The following FBXL16 variants were observed in gnomAD, a reference collection of about 807,000 sequenced individuals.
The protein encoded by FBXL16 is F-box/LRR-repeat protein 16.
In FBXL16, 7 loss-of-function variants were observed where a neutral mutation model predicts 36.7. The ratio of observed to expected loss-of-function variants is 0.19; its 90% confidence interval spans 0.11 to 0.36. The LOEUF (loss-of-function observed/expected upper bound fraction) is 0.36. FBXL16 is among the 10% of genes least tolerant of loss of function. The pLI is 1.00. For missense variants in FBXL16, 463 were observed against 659.4 expected, an observed-to-expected ratio of 0.70 and a Z score of 3.26; for synonymous variants, 355 against 308.7, an observed-to-expected ratio of 1.15 and a Z score of -1.57.
chr16:698,941 G>GAAAGAAAAAGAAAAAAAGA (rs2040036454), intron 1 of FBXL16, among the ~76,000 whole-genome samples: 1 of 135,028 alleles, frequency 7.4e-6, no homozygotes, highest in East Asian at 3.1e-4. Flanking sequence ...AAGAAAGAAA[G>GAAAGAAAAAGAAAAAAAGA]AAAGAAAAAG....
intron 1 of FBXL16, among the ~76,000 whole-genome samples, chr16:700,985 G>C (rs2040052252): frequency 6.6e-6 from 1 of 152,220 alleles, no homozygotes; most frequent in Admixed American, 6.5e-5. Flanking sequence ...GGCGGCGCCA[G>C]GGGAGGAATA....
At chr16:703,457 C>G (rs1047554190) in intron 1 of FBXL16, among the ~76,000 whole-genome samples, 3 of 152,210 alleles carry the variant, frequency 2.0e-5, no homozygotes, top group African/African-American at 7.2e-5. Flanking sequence ...CTGCAGAGGG[C>G]CTTAGAGCTG....
rs1468520344 is a variant in FBXL16, at chr16:693,599, C to A, written c.*676G>T. ...GGTTTTGGGGCGGACAGGGGACTGCCCCACACAGCGGCAAGGAGGAGGAGA... is the reference window on the plus strand; with the variant it reads ...GGTTTTGGGGCGGACAGGGGACTGCACCACACAGCGGCAAGGAGGAGGAGA... On this transcript the variant is annotated 3_prime_UTR_variant, in exon 6 of 6. Coordinates refer to ENST00000397621, the MANE Select transcript of FBXL16 (RefSeq NM_153350.4). 1 of 152,790 alleles carries A rather than the reference C, an allele frequency of 6.5e-6. No homozygotes were observed. The highest frequency in any genetic ancestry group is 1.9e-4 in the East Asian group (1 of 5,180). The allele number at this position is 152,790 out of a possible 1,614,324, so 9.5% of individuals were successfully genotyped here.
rs2039982838 is a variant in FBXL16, at chr16:693,066, C to G, written c.*1209G>C. 6.6e-6 allele frequency: 1 copy of G among 151,850 alleles called. No individual in the cohort carries two copies. Among genetic ancestry groups the G allele is most frequent in the Non-Finnish European group, 1.5e-5 (1 of 68,016 alleles). The allele number at this position is 151,850 out of a possible 1,614,324, so 9.4% of individuals were successfully genotyped here. A position where few individuals can be genotyped will look rare whatever the true frequency, so the allele number is the denominator to read the frequency against. ...GGGGTCCCAGCCCCCTCCTCAGCAACAGCTGAGATTTGCCAGCATCCCCCA... is the reference window on the plus strand; with the variant it reads ...GGGGTCCCAGCCCCCTCCTCAGCAAGAGCTGAGATTTGCCAGCATCCCCCA... On this transcript the variant is annotated 3_prime_UTR_variant, in exon 6 of 6. Coordinates refer to ENST00000397621, the MANE Select transcript of FBXL16 (RefSeq NM_153350.4).
At position 692,523 on chromosome 16, in the gene FBXL16, A is replaced by T. The variant is rs2039978715; in HGVS notation, c.*1752T>A. 6.6e-6 allele frequency: 1 copy of T among 152,414 alleles called. No homozygotes were observed. The highest frequency in any genetic ancestry group is 6.5e-5 in the Admixed American group (1 of 15,280). 9.4% of individuals were successfully genotyped at this position (152,414 alleles called of 1,614,324 possible). ...CATGTTTTTACAACTTTTTTAATATATATTTTTATAAACAGGTCACGTGAT... is the reference window on the plus strand; with the variant it reads ...CATGTTTTTACAACTTTTTTAATATTTATTTTTATAAACAGGTCACGTGAT... On this transcript the variant is annotated 3_prime_UTR_variant, in exon 6 of 6. Coordinates refer to ENST00000397621, the MANE Select transcript of FBXL16 (RefSeq NM_153350.4).
intron 2 of FBXL16, 194 bp from the exon 3 acceptor site, chr16:696,117 A>C: frequency 2.7e-6 from 2 of 745,960 alleles, no homozygotes; most frequent in Non-Finnish European, 4.1e-6. Flanking sequence ...CAGCGTTACA[A>C]TTAGACTCCA....
chr16:693,716 CCT>C lies in FBXL16; in HGVS notation c.*557_*558del, dbSNP rs1333122894. The C allele has an allele frequency of 1.3e-5, 2 of 153,146 alleles. No homozygotes were observed. The highest frequency in any genetic ancestry group is 1.3e-4 in the Admixed American group (2 of 15,288). The allele number at this position is 153,146 out of a possible 1,614,324, so 9.5% of individuals were successfully genotyped here. On this transcript the variant is annotated 3_prime_UTR_variant, in exon 6 of 6. Coordinates refer to ENST00000397621, the MANE Select transcript of FBXL16 (RefSeq NM_153350.4). ...ATGGCTTTGGCGGTGGCCTGTTTCC[CCT>C]GACACCCCTCGGAGGGCTCCAGGTA...
rs1273178662 is a variant in FBXL16, at chr16:697,629, G to A, written c.-14-210C>T. On this transcript the variant is annotated intron_variant, in intron 1 of 5. Coordinates refer to ENST00000397621, the MANE Select transcript of FBXL16 (RefSeq NM_153350.4). The surrounding 1 kb of genome is among the most constrained non-coding windows in gnomAD (Gnocchi z 4.6). Reference sequence around the variant, plus strand: ...ACCATGGCCACTGGCAGCACTCACTGGGCACCTACGGTATGCACTGAGCCC... The same window carrying A: ...ACCATGGCCACTGGCAGCACTCACTAGGCACCTACGGTATGCACTGAGCCC... 6.6e-6 allele frequency among the ~76,000 whole-genome samples: 1 copy of A among 152,176 alleles called. No homozygotes were observed. Among genetic ancestry groups the A allele is most frequent in the Non-Finnish European group, 1.5e-5 (1 of 68,024 alleles).
chr16:694,828 G>T (rs2039998500), intron 4 of FBXL16, 131 bp from the exon 5 acceptor site: 1 of 1,290,402 alleles, frequency 7.7e-7, no homozygotes, highest in Non-Finnish European at 1.1e-6. Context: ...GGAGGCGGCT[G>T]GGAAGTGCTC....
intron 2 of FBXL16, 42 bp downstream of exon 2, chr16:696,730 GC>G (rs1567298219): frequency 1.4e-6 from 2 of 1,432,160 alleles, no homozygotes; most frequent in Non-Finnish European, 1.8e-6. Context: ...GCTGCTGCCC[GC>G]CCCTGCCCCC....
chr16:704,875 G>A (rs2040080313), intron 1 of FBXL16, among the ~76,000 whole-genome samples: 1 of 152,228 alleles, frequency 6.6e-6, no homozygotes, highest in Admixed American at 6.5e-5. Flanking sequence ...GAGGTGATGG[G>A]TGGGGAACGC....
rs767665991 is a variant in FBXL16, at chr16:697,167, G to A, written c.239C>T (p.Pro80Leu). ...AGGPCTPAGG[P>L]ASALAPGHPA... is the part of the protein sequence containing the mutation. The stretch of plus-strand genomic sequence containing the variant: ...GTGCCCAGGTGCCAAGGCTGAGGCT[G>A]GTCCACCTGCCGGGGTGCACGGGCC... The change falls in exon 2 of 6, where the codon CCA becomes CTA. Residue 80 changes from proline to leucine, a missense_variant. Physicochemically the swap from Pro to Leu is moderately conservative, Grantham distance 98. Transcript: ENST00000397621. This position sits in a 1 kb window ranked among gnomAD's most constrained non-coding sequence, Gnocchi z 4.6. 9 of 1,578,290 alleles carry A rather than the reference G, an allele frequency of 5.7e-6. No homozygotes were observed. Among genetic ancestry groups the A allele is most frequent in the Non-Finnish European group, 7.7e-6 (9 of 1,165,016 alleles).
Position 697,471 on chromosome 16 carries a change from C to A in FBXL16, c.-14-52G>T. On this transcript the variant is annotated intron_variant, in intron 1 of 5. Coordinates refer to ENST00000397621, the MANE Select transcript of FBXL16 (RefSeq NM_153350.4). The surrounding 1 kb of genome is among the most constrained non-coding windows in gnomAD (Gnocchi z 4.6). ...TGAGTCTGTTGCTGAGTCTGGAAGG[C>A]CGGGGTTGGGGGCGGGTGCAGTGGG... 1 of 1,477,596 alleles carries A rather than the reference C, an allele frequency of 6.8e-7. No individual in the cohort carries two copies. 91.5% of individuals were successfully genotyped at this position (1,477,596 alleles called of 1,614,324 possible).
intron 1 of FBXL16, among the ~76,000 whole-genome samples, chr16:698,198 T>G (rs2040029492): frequency 6.6e-6 from 1 of 151,866 alleles, no homozygotes; most frequent in Admixed American, 6.6e-5. Context: ...AGATGGGGTT[T>G]CTCCATGTTG....
chr16:705,017 C>T (rs963924892), intron 1 of FBXL16, among the ~76,000 whole-genome samples: 4 of 152,348 alleles, frequency 2.6e-5, no homozygotes, highest in Admixed American at 1.3e-4. Context: ...AGGTGCCAGC[C>T]TCCCCCCACC....
At position 696,953 on chromosome 16, in the gene FBXL16, A is replaced by G; in HGVS notation, c.453T>C (p.Pro151=). ...LHAKELYNVL[P]GGEKEFVNLQ... is the part of the protein sequence containing the mutation. The stretch of plus-strand genomic sequence containing the variant: ...GGTTCACGAACTCCTTCTCGCCACC[A>G]GGCAGCACGTTGTAGAGCTCCTTGG... Residue 151 remains proline, a synonymous_variant, in exon 2 of 6, where the codon CCT becomes CCC. Coordinates refer to ENST00000397621, the MANE Select transcript of FBXL16 (RefSeq NM_153350.4). The G allele has an allele frequency of 6.2e-7, 1 of 1,604,024 alleles. No individual in the cohort carries two copies. The highest frequency in any genetic ancestry group is 8.5e-7 in the Non-Finnish European group (1 of 1,176,384).
At chr16:694,968 A>G (rs753790168) in intron 4 of FBXL16, 24 bp downstream of exon 4, 45 of 1,521,630 alleles carry the variant, frequency 3.0e-5, no homozygotes, top group Non-Finnish European at 3.5e-5. Flanking sequence ...CGATCCCCCA[A>G]TCCCGGGGCG....
At chr16:702,596 C>T (rs758609266) in intron 1 of FBXL16, among the ~76,000 whole-genome samples, 40 of 152,314 alleles carry the variant, frequency 2.6e-4, no homozygotes, top group African/African-American at 8.9e-4. Context: ...GCTGCCAAGG[C>T]CCCCGGAGGG....
In FBXL16 at chr16:697,731, T is replaced by C. The variant is rs922340783; in HGVS notation, c.-14-312A>G. ...GAAACAGAGTTCCGGCCGGGCGCGG[T>C]GGCTCATGCCTGTAATCCCAGCACT... On this transcript the variant is annotated intron_variant, in intron 1 of 5. Coordinates refer to ENST00000397621, the MANE Select transcript of FBXL16 (RefSeq NM_153350.4). The surrounding 1 kb of genome is among the most constrained non-coding windows in gnomAD (Gnocchi z 4.6). Among the ~76,000 whole-genome samples, 2 of 152,094 alleles carry C rather than the reference T, an allele frequency of 1.3e-5. No individual in the cohort carries two copies.
Sources: allele counts gnomAD v4.1 joint callset (sites outside exome capture counted in the v4.1 genomes callset), GRCh38; gene constraint gnomAD v4.1.1; non-coding constraint Gnocchi (gnomAD v3.1); transcripts MANE v1.5; gene names NCBI Gene and HGNC (gene_info 2026-07-23, HGNC 2026-07-21).